ANKS1B: variants seen among roughly 807,000 people sequenced by gnomAD.
The protein encoded by ANKS1B is ankyrin repeat and sterile alpha motif domain containing 1B, also known as ankyrin repeat and sterile alpha motif domain-containing protein 1B.
A neutral mutation model predicts 148.3 loss-of-function variants in ANKS1B; 36 were observed. The ratio of observed to expected loss-of-function variants is 0.24; its 90% confidence interval spans 0.19 to 0.32. The LOEUF (loss-of-function observed/expected upper bound fraction) is 0.32. ANKS1B is among the 10% of genes least tolerant of loss of function. ANKS1B has a pLI of 1.00. For synonymous variants in ANKS1B, 542 were observed against 560.8 expected, an observed-to-expected ratio of 0.97 and a Z score of 0.47; for missense variants, 1,157 against 1,542.6, an observed-to-expected ratio of 0.75 and a Z score of 4.19.
intron 17 of ANKS1B, among the ~76,000 whole-genome samples, chr12:98,839,391 G>GTATC (rs1214734942): frequency 7.9e-5 from 10 of 126,512 alleles, no homozygotes; most frequent in South Asian, 6.5e-4. Context: ...ATGTATGTAT[G>GTATC]TATGTATCTA....
intron 25 of ANKS1B, among the ~76,000 whole-genome samples, chr12:98,754,398 C>G (rs190640551): frequency 6.6e-6 from 1 of 152,282 alleles, no homozygotes; most frequent in East Asian, 1.9e-4. Flanking sequence ...TGCGTGGGTC[C>G]CCTCTGAAAG....
chr12:99,033,054 TA>T (rs1399077601), intron 17 of ANKS1B, among the ~76,000 whole-genome samples: 1 of 152,236 alleles, frequency 6.6e-6, no homozygotes, highest in African/African-American at 2.4e-5. Flanking sequence ...TTATTAGTTT[TA>T]AGGCATGAAT....
intron 1 of ANKS1B, among the ~76,000 whole-genome samples, chr12:99,934,725 C>T (rs1227590179): frequency 6.6e-6 from 1 of 151,892 alleles, no homozygotes; most frequent in African/African-American, 2.4e-5. Context: ...AGATTAAATT[C>T]AGTAGGTCTT....
At chr12:99,572,246 G>T (rs1160873402) in intron 9 of ANKS1B, among the ~76,000 whole-genome samples, 1 of 151,826 alleles carries the variant, frequency 6.6e-6, no homozygotes, top group Non-Finnish European at 1.5e-5. Flanking sequence ...TAAGCAATTG[G>T]ATTAATACCA....
At chr12:99,329,972 A>G (rs1265226486) in intron 12 of ANKS1B, among the ~76,000 whole-genome samples, 1 of 151,868 alleles carries the variant, frequency 6.6e-6, no homozygotes, top group East Asian at 1.9e-4. Flanking sequence ...TATGTCCTAA[A>G]CTTGCATCTA....
At chr12:99,836,189 AG>A (rs1202840429) in intron 1 of ANKS1B, among the ~76,000 whole-genome samples, 1 of 152,158 alleles carries the variant, frequency 6.6e-6, no homozygotes, top group Non-Finnish European at 1.5e-5. Flanking sequence ...TTGTAAATAA[AG>A]TTTCATCGAA....
At chr12:99,463,330 C>T (rs191922076) in intron 10 of ANKS1B, among the ~76,000 whole-genome samples, 7 of 152,304 alleles carry the variant, frequency 4.6e-5, no homozygotes, top group South Asian at 2.1e-4. Context: ...CGAATAGGAA[C>T]AGATCCGGTC....
intron 14 of ANKS1B, among the ~76,000 whole-genome samples, chr12:99,239,025 A>T (rs1438093044): frequency 6.6e-6 from 1 of 152,210 alleles, no homozygotes; most frequent in Non-Finnish European, 1.5e-5. Flanking sequence ...AAAGGATTGC[A>T]GCTCCTCGCC....
Position 99,914,777 on chromosome 12 carries a change from G to A in ANKS1B, c.134+69327C>T, listed in dbSNP as rs576251427. 4.1e-4 allele frequency among the ~76,000 whole-genome samples: 62 copies of A among 152,084 alleles called. 1 individual carries two copies. The highest frequency in any genetic ancestry group is 7.2e-4 in the Non-Finnish European group (49 of 67,980). ...TCAAATCTGCTGAAACCTCTGGGCC[G>A]GCAGAATCCACCCTCATCCCTTTCA... On this transcript the variant is annotated intron_variant, in intron 1 of 26. Transcript: ENST00000683438.
intron 4 of ANKS1B, among the ~76,000 whole-genome samples, chr12:99,789,744 G>C (rs915698489): frequency 6.6e-6 from 1 of 151,988 alleles, no homozygotes; most frequent in African/African-American, 2.4e-5. Context: ...ACAGGTATTC[G>C]AAGACACACT....
At chr12:99,492,324 C>T (rs1203293113) in intron 10 of ANKS1B, among the ~76,000 whole-genome samples, 3 of 152,086 alleles carry the variant, frequency 2.0e-5, no homozygotes, top group Non-Finnish European at 2.9e-5. Context: ...AATTTCTGGA[C>T]ACATACACTC....
intron 17 of ANKS1B, among the ~76,000 whole-genome samples, chr12:98,849,590 G>A (rs1017955182): frequency 6.6e-6 from 1 of 152,068 alleles, no homozygotes; most frequent in African/African-American, 2.4e-5. Context: ...ACCAAAACCC[G>A]AGTAATTTAA....
intron 7 of ANKS1B, among the ~76,000 whole-genome samples, chr12:99,773,318 A>C (rs562772869): frequency 6.6e-6 from 1 of 152,260 alleles, no homozygotes; most frequent in Non-Finnish European, 1.5e-5. Flanking sequence ...AATAGAAATA[A>C]TTATTGTAAG....
chr12:98,905,896 C>T (rs1321487673), intron 17 of ANKS1B, among the ~76,000 whole-genome samples: 1 of 152,174 alleles, frequency 6.6e-6, no homozygotes, highest in Non-Finnish European at 1.5e-5. Context: ...CACTCTCTTT[C>T]TAGTGAACCC....
chr12:99,691,219 T>A lies in ANKS1B; in HGVS notation c.1129-36009A>T, dbSNP rs547162361. Among the ~76,000 whole-genome samples, 5 of 152,230 alleles carry A rather than the reference T, an allele frequency of 3.3e-5. No individual in the cohort carries two copies. The South Asian group carries it at 1.0e-3, about 32-fold the overall frequency. Reference sequence around the variant, plus strand: ...GCCCACCCTACAAAACCATACTTCCTCCCAGGCCTCTGGACCTGTGATGGG... The same window carrying A: ...GCCCACCCTACAAAACCATACTTCCACCCAGGCCTCTGGACCTGTGATGGG... On this transcript the variant is annotated intron_variant, in intron 8 of 26. Transcript: ENST00000683438.
chr12:99,151,593 T>C (rs565167291), intron 15 of ANKS1B, among the ~76,000 whole-genome samples: 40 of 151,768 alleles, frequency 2.6e-4, no homozygotes, highest in Non-Finnish European at 5.2e-4. Flanking sequence ...ATCTAGACAT[T>C]GGTGAAAATA....
rs1033240762 is a variant in ANKS1B, at chr12:99,632,833, A to T, written c.1272+22234T>A. ...GTGCAGGTTTGTTACATATGTATAC[A>T]TGTGCCATGTTGGTGTCCTGCACCC... On this transcript the variant is annotated intron_variant, in intron 9 of 26. Coordinates refer to ENST00000683438, the MANE Select transcript of ANKS1B (RefSeq NM_001352186.2). Among the ~76,000 whole-genome samples, 54 of 144,086 alleles carry T rather than the reference A, an allele frequency of 3.7e-4. 1 individual carries two copies. The East Asian group carries it at 0.01, about 28-fold the overall frequency. The allele number at this position is 144,086 out of a possible 152,430, so 94.5% of individuals were successfully genotyped here. A position where few individuals can be genotyped will look rare whatever the true frequency, so the allele number is the denominator to read the frequency against.
intron 9 of ANKS1B, among the ~76,000 whole-genome samples, chr12:99,513,926 G>A (rs2096790910): frequency 6.6e-6 from 1 of 152,000 alleles, no homozygotes; most frequent in Non-Finnish European, 1.5e-5. Context: ...TTTATTTGAT[G>A]AGAGAATCAT....
At chr12:99,755,176 C>T (rs76817975) in intron 8 of ANKS1B, among the ~76,000 whole-genome samples, 4 of 151,604 alleles carry the variant, frequency 2.6e-5, no homozygotes, top group Admixed American at 6.6e-5. Flanking sequence ...GATATTACCC[C>T]GACCCCATAG....
Sources: allele counts gnomAD v4.1 joint callset (sites outside exome capture counted in the v4.1 genomes callset), GRCh38; gene constraint gnomAD v4.1.1; transcripts MANE v1.5; gene names NCBI Gene and HGNC (gene_info 2026-07-23, HGNC 2026-07-21).